Variants in NEK7 observed in about 807,000 individuals in gnomAD.
The protein encoded by NEK7 is NIMA related kinase 7, also known as serine/threonine-protein kinase Nek7.
In NEK7, 18 loss-of-function variants were observed where a neutral mutation model predicts 44.6. That is an observed-to-expected ratio of 0.40 (90% confidence interval 0.28 to 0.60). The LOEUF (loss-of-function observed/expected upper bound fraction) is 0.60, where lower values mean the gene tolerates loss of function less well. Among genes scored for constraint, NEK7 ranks in the 20% least tolerant of loss-of-function variants. The probability of loss-of-function intolerance (pLI) is 0.38; values close to 1 mark genes in which losing one functional copy is unlikely to be tolerated. For synonymous variants in NEK7, 130 were observed against 121.1 expected (o/e 1.07, Z -0.48); for missense variants, 256 against 366.5 (o/e 0.70, Z 2.46).
intron 1 of NEK7, among the ~76,000 whole-genome samples, chr1:198,157,570 C>G (rs965743658): frequency 4.6e-5 from 7 of 152,264 alleles, no homozygotes; most frequent in Non-Finnish European, 7.3e-5. Flanking sequence ...GTGGCCACGG[C>G]GGCGGCGGCA....
chr1:198,250,411 G>A (rs1652901260), intron 2 of NEK7, among the ~76,000 whole-genome samples: 1 of 152,214 alleles, frequency 6.6e-6, no homozygotes, highest in African/African-American at 2.4e-5. Context: ...TTCCAATTCT[G>A]TGAAGAAAGT....
intron 1 of NEK7, among the ~76,000 whole-genome samples, chr1:198,172,574 T>A (rs370582742): frequency 1.8e-4 from 28 of 152,334 alleles, no homozygotes; most frequent in African/African-American, 5.8e-4. Flanking sequence ...GCAGCTGAAC[T>A]TTACATACCA....
intron 9 of NEK7, among the ~76,000 whole-genome samples, chr1:198,302,499 C>A (rs1186752872): frequency 6.6e-6 from 1 of 151,772 alleles, no homozygotes; most frequent in African/African-American, 2.4e-5. Flanking sequence ...GGCATCATTT[C>A]CTATATTGTT....
chr1:198,222,864 A>G (rs1265026627), intron 1 of NEK7, among the ~76,000 whole-genome samples: 1 of 150,506 alleles, frequency 6.6e-6, no homozygotes, highest in Admixed American at 6.6e-5. Context: ...AAGAGTGAAG[A>G]TAAGAATCAA....
chr1:198,194,420 A>AT (rs1372763669), intron 1 of NEK7, among the ~76,000 whole-genome samples: 1 of 149,726 alleles, frequency 6.7e-6, no homozygotes, highest in Non-Finnish European at 1.5e-5. Context: ...CCCATTAGTT[A>AT]TTTTTTCTGA....
rs1481397513 is a variant in NEK7 at position 198,231,299 on chromosome 1, GTGTATA to G, written c.-28-1252_-28-1247del. Among the ~76,000 whole-genome samples, 566 of 98,224 alleles carry G rather than the reference GTGTATA, an allele frequency of 5.8e-3. 3 individuals are homozygous for G. Among genetic ancestry groups the G allele is most frequent in the African/African-American group, 5.6e-3 (131 of 23,232 alleles). 64.4% of individuals were successfully genotyped at this position (98,224 alleles called of 152,430 possible). On this transcript the variant is annotated intron_variant, in intron 1 of 9. Transcript: ENST00000367385. ...TGTGTGTATATACGTGTATGTGTGT[GTGTATA>G]TATATATATATATATATATATATAT...
intron 2 of NEK7, among the ~76,000 whole-genome samples, chr1:198,235,516 T>G (rs1666523752): frequency 6.6e-6 from 1 of 152,146 alleles, no homozygotes; most frequent in South Asian, 2.1e-4. Flanking sequence ...GGATTTAGCT[T>G]TTTAAAAATA....
intron 2 of NEK7, among the ~76,000 whole-genome samples, chr1:198,249,145 G>C (rs1000331010): frequency 6.7e-6 from 1 of 149,372 alleles, no homozygotes; most frequent in Non-Finnish European, 1.5e-5. Flanking sequence ...GCGGTGTTTG[G>C]TTTTTTGTTC....
At chr1:198,310,756 T>A (rs80002998) in intron 9 of NEK7, among the ~76,000 whole-genome samples, 4 of 151,646 alleles carry the variant, frequency 2.6e-5, no homozygotes, top group Non-Finnish European at 4.4e-5. Flanking sequence ...TGTAGATACG[T>A]GGCATTATTT....
intron 3 of NEK7, among the ~76,000 whole-genome samples, chr1:198,255,396 C>A (rs1653221419): frequency 1.3e-5 from 2 of 152,036 alleles, no homozygotes; most frequent in South Asian, 4.1e-4. Context: ...ACTCTTGGAT[C>A]CCTTCTCTGA....
At chr1:198,219,832 G>C (rs1666034308) in intron 1 of NEK7, among the ~76,000 whole-genome samples, 1 of 150,776 alleles carries the variant, frequency 6.6e-6, no homozygotes, top group Admixed American at 6.7e-5. Context: ...CCCATTACTG[G>C]TGATGTTAAC....
chr1:198,207,494 A>G (rs1571531747), intron 1 of NEK7, among the ~76,000 whole-genome samples: 1 of 152,294 alleles, frequency 6.6e-6, no homozygotes, highest in East Asian at 1.9e-4. Flanking sequence ...ATGAATATTG[A>G]GATACGTCCA....
At chr1:198,163,436 T>C (rs7519843) in intron 1 of NEK7, among the ~76,000 whole-genome samples, 71,777 of 151,622 alleles carry the variant, frequency 0.47, 18,376 homozygotes, top group East Asian at 0.9. Flanking sequence ...ATGGCTTGAG[T>C]CTAGGATTTC....
At chr1:198,275,306 TA>T in intron 5 of NEK7, among the ~76,000 whole-genome samples, 1 of 151,488 alleles carries the variant, frequency 6.6e-6, no homozygotes, top group East Asian at 1.9e-4. Context: ...TTTTCAACTA[TA>T]AAAAAGTTGC....
At chr1:198,314,756 G>T (rs1655301035) in intron 9 of NEK7, among the ~76,000 whole-genome samples, 1 of 152,220 alleles carries the variant, frequency 6.6e-6, no homozygotes, top group Admixed American at 6.5e-5. Context: ...GGGGTCAGGG[G>T]TCAGAGACCC....
rs777772304 is a variant in NEK7 at position 198,256,464 on chromosome 1, A to G, written c.198+3284A>G. On this transcript the variant is annotated intron_variant, in intron 3 of 9. Transcript: ENST00000367385. ...CTTTTTGAAAATTTACCTGTATCCC[A>G]TCATGGTTCATTTGCAAAAAAATAA... 4 of 1,600,358 alleles carry G rather than the reference A, an allele frequency of 2.5e-6. No individual in the cohort carries two copies. In the South Asian group the frequency reaches 3.4e-5, roughly 14 times the overall value.
intron 3 of NEK7, among the ~76,000 whole-genome samples, chr1:198,254,459 ACACT>A (rs1373964999): frequency 6.6e-6 from 1 of 152,154 alleles, no homozygotes; most frequent in African/African-American, 2.4e-5. Flanking sequence ...ACACGCACAC[ACACT>A]CACACAGCTT....
At chr1:198,259,414 A>G in intron 3 of NEK7, among the ~76,000 whole-genome samples, 1 of 152,176 alleles carries the variant, frequency 6.6e-6, no homozygotes, top group East Asian at 1.9e-4. Flanking sequence ...TATGGGCATT[A>G]TTCTTTCTCT....
intron 2 of NEK7, among the ~76,000 whole-genome samples, chr1:198,238,579 C>A (rs1265095735): frequency 3.9e-5 from 6 of 152,160 alleles, no homozygotes; most frequent in Non-Finnish European, 8.8e-5. Context: ...CCCCATTACC[C>A]CATGCTTACC....
Sources: gnomAD v4.1 joint callset for allele counts (sites outside exome capture counted in the v4.1 genomes callset) on GRCh38, gnomAD v4.1.1 for gene constraint, MANE v1.5 for transcripts, NCBI Gene and HGNC (gene_info 2026-07-23, HGNC 2026-07-21) for gene names.